The following LRIG1 variants were observed in gnomAD, a reference collection of about 807,000 sequenced individuals.
The protein encoded by LRIG1 is leucine-rich repeats and immunoglobulin-like domains protein 1.
A neutral mutation model predicts 99.2 loss-of-function variants in LRIG1; 48 were observed. The observed-to-expected ratio is 0.48, with a 90% CI of 0.38 to 0.62. LRIG1 has a LOEUF of 0.62. Ranked by LOEUF, LRIG1 falls within the 20% of genes least tolerant of loss-of-function variation. LRIG1 has a pLI of 0.00. For missense variants in LRIG1, 1,646 were observed against 1,434.4 expected, an observed-to-expected ratio of 1.15 and a Z score of -2.38; for synonymous variants, 772 against 596.1, an observed-to-expected ratio of 1.29 and a Z score of -4.30.
chr3:66,494,094 G>A (rs1432538761), intron 1 of LRIG1, among the ~76,000 whole-genome samples: 1 of 152,106 alleles, frequency 6.6e-6, no homozygotes, highest in African/African-American at 2.4e-5. Flanking sequence ...AGCTACTGAG[G>A]CCTTTAACCT....
chr3:66,425,045 C>A (rs529017738), intron 3 of LRIG1, among the ~76,000 whole-genome samples: 27 of 152,176 alleles, frequency 1.8e-4, no homozygotes, highest in Non-Finnish European at 3.7e-4. Flanking sequence ...GGACATAACT[C>A]CATTGTCAGT....
intron 3 of LRIG1, among the ~76,000 whole-genome samples, chr3:66,422,379 A>G (rs1254223649): frequency 6.6e-6 from 1 of 152,158 alleles, no homozygotes; most frequent in African/African-American, 2.4e-5. Context: ...TTAATGCTTT[A>G]CTGCTTAGAA....
In LRIG1 at chr3:66,412,983, C is replaced by T. The variant is rs1393799896; in HGVS notation, c.679G>A (p.Glu227Lys). Residue 227 changes from glutamate to lysine, a missense_variant, in exon 6 of 19, where the codon GAG becomes AAG. Transcript: ENST00000273261. ...TTGAGCCCCTGGAAGGTGAGGCCCT[C>T]TATCAGCCGAATCCTGTTCCGATTG... ...DLNRNRIRLI[E>K]GLTFQGLNSL... is the part of the protein sequence containing the mutation. 1.9e-6 allele frequency: 3 copies of T among 1,614,230 alleles called. No individual in the cohort carries two copies. The highest frequency in any genetic ancestry group is 2.5e-6 in the Non-Finnish European group (3 of 1,180,038).
upstream of LRIG1, chr3:66,501,096 C>G (rs1400852545): frequency 6.6e-6 from 1 of 151,702 alleles, no homozygotes; most frequent in Admixed American, 6.6e-5. Context: ...CACACACCCC[C>G]TAGGCTCCGC....
chr3:66,449,456 T>G (rs1216645207), intron 3 of LRIG1, among the ~76,000 whole-genome samples: 3 of 152,226 alleles, frequency 2.0e-5, no homozygotes, highest in Non-Finnish European at 4.4e-5. Context: ...CTCTCCTGCT[T>G]TACATACTTC....
rs770885604 is a variant in LRIG1, at chr3:66,415,087, T to C, written c.504-24A>G. ...TGCTGGAATGATTCAGAAAAGAAAA[T>C]GTGGTGGTTGGTCAAAGGCCTTCCT... On this transcript the variant is annotated intron_variant, in intron 4 of 18. Transcript: ENST00000273261. 3 of 1,577,958 alleles carry C rather than the reference T, an allele frequency of 1.9e-6. No homozygotes were observed. In the South Asian group the frequency reaches 3.6e-5, roughly 19 times the overall value.
intron 1 of LRIG1, among the ~76,000 whole-genome samples, chr3:66,483,889 C>T (rs754711326): frequency 6.6e-6 from 1 of 152,228 alleles, no homozygotes; most frequent in East Asian, 1.9e-4. Flanking sequence ...CCAGCAGGGA[C>T]GAGGCGCCCG....
At chr3:66,414,213 A>C (rs1047690547) in intron 5 of LRIG1, among the ~76,000 whole-genome samples, 9 of 152,026 alleles carry the variant, frequency 5.9e-5, no homozygotes, top group South Asian at 4.2e-4. Context: ...CTGGGTAACA[A>C]GGTGAAACCC....
rs1559759538 is a variant in LRIG1 at position 66,379,482 on chromosome 3, ATTTGCTT to A, written c.*774_*780del. On this transcript the variant is annotated 3_prime_UTR_variant, in exon 19 of 19. Coordinates refer to ENST00000273261, the MANE Select transcript of LRIG1 (RefSeq NM_015541.3). ...AATCGAATGATACTGAGAAGGCCAC[ATTTGCTT>A]TTATCATAAAATAAGAGGAGGAGGA... 1.3e-5 allele frequency: 2 copies of A among 152,118 alleles called. No homozygotes were observed. Among genetic ancestry groups the A allele is most frequent in the African/African-American group, 4.8e-5 (2 of 41,416 alleles). The allele number at this position is 152,118 out of a possible 1,614,324, so 9.4% of individuals were successfully genotyped here. A position where few individuals can be genotyped will look rare whatever the true frequency, so the allele number is the denominator to read the frequency against.
At chr3:66,433,179 C>T (rs1703235058) in intron 3 of LRIG1, among the ~76,000 whole-genome samples, 1 of 152,210 alleles carries the variant, frequency 6.6e-6, no homozygotes, top group African/African-American at 2.4e-5. Context: ...TTGCTTACCA[C>T]CACGCCAGAG....
chr3:66,427,511 A>C (rs990837915), intron 3 of LRIG1, among the ~76,000 whole-genome samples: 3 of 152,242 alleles, frequency 2.0e-5, no homozygotes, highest in African/African-American at 7.2e-5. Flanking sequence ...CCTTGTCAGA[A>C]GACACAGGCT....
intron 1 of LRIG1, among the ~76,000 whole-genome samples, chr3:66,491,173 T>TG (rs1440468069): frequency 6.6e-6 from 1 of 152,232 alleles, no homozygotes; most frequent in Admixed American, 6.5e-5. Flanking sequence ...TAGCCACAGC[T>TG]GGAGGGTCAG....
Position 66,405,248 on chromosome 3 carries a change from T to A in LRIG1, c.1110A>T (p.Thr370=), listed in dbSNP as rs112482950. ...AGAAGGCGCCGCTCGTGTCCTCTAT[T>A]GTGCCCGAAATCTCGTTATGGTCCA... ...LDLDHNEISG[T]IEDTSGAFSG... is the part of the protein sequence containing the mutation. The change falls in exon 9 of 19, where the codon ACA becomes ACT. Residue 370 remains threonine, a synonymous_variant. Coordinates refer to ENST00000273261, the MANE Select transcript of LRIG1 (RefSeq NM_015541.3). The A allele has an allele frequency of 6.2e-7, 1 of 1,614,150 alleles. No individual in the cohort carries two copies. Among genetic ancestry groups the A allele is most frequent in the South Asian group, 1.1e-5 (1 of 91,078 alleles).
At chr3:66,429,556 G>C (rs539124371) in intron 3 of LRIG1, among the ~76,000 whole-genome samples, 1 of 152,230 alleles carries the variant, frequency 6.6e-6, no homozygotes, top group African/African-American at 2.4e-5. Flanking sequence ...TTAACTGCCA[G>C]AGGCTGGGTA....
At chr3:66,403,746 G>A (rs1035166902) in intron 9 of LRIG1, among the ~76,000 whole-genome samples, 4 of 152,240 alleles carry the variant, frequency 2.6e-5, no homozygotes, top group African/African-American at 9.6e-5. Context: ...TGACACCCAG[G>A]AAACGGCTCC....
At chr3:66,500,168 G>A (rs777606742) in intron 1 of LRIG1, 22 bp downstream of exon 1, 152 of 1,505,408 alleles carry the variant, frequency 1.0e-4, no homozygotes, top group East Asian at 8.8e-4. Context: ...GGCGCAGAGA[G>A]GGCGGAAAGG....
At chr3:66,408,495 A>G (rs1317725569) in intron 7 of LRIG1, among the ~76,000 whole-genome samples, 1 of 152,182 alleles carries the variant, frequency 6.6e-6, no homozygotes, top group Non-Finnish European at 1.5e-5. Context: ...TGCCCCTTCT[A>G]GAGGGCATGG....
intron 3 of LRIG1, among the ~76,000 whole-genome samples, chr3:66,447,766 G>A (rs1703775901): frequency 6.6e-6 from 1 of 152,136 alleles, no homozygotes; most frequent in Non-Finnish European, 1.5e-5. Context: ...CAATCTTCTC[G>A]ACAGTACAAG....
intron 3 of LRIG1, among the ~76,000 whole-genome samples, chr3:66,422,743 T>C (rs923564256): frequency 2.6e-5 from 4 of 152,212 alleles, no homozygotes; most frequent in African/African-American, 7.2e-5. Context: ...CCCACTCTAC[T>C]GGTACCAATT....
Sources: gnomAD v4.1 joint callset for allele counts (sites outside exome capture counted in the v4.1 genomes callset) on GRCh38, gnomAD v4.1.1 for gene constraint, MANE v1.5 for transcripts, NCBI Gene and HGNC (gene_info 2026-07-23, HGNC 2026-07-21) for gene names.